Variants in ACTR3C observed in about 807,000 individuals in gnomAD.
ACTR3C encodes the protein actin-related protein 3C.
ACTR3C carries 18 observed loss-of-function variants against 26.3 expected under a neutral mutation model. The ratio of observed to expected loss-of-function variants is 0.68; its 90% confidence interval spans 0.47 to 1.01. The LOEUF (loss-of-function observed/expected upper bound fraction) is 1.01. Ranked by LOEUF, ACTR3C falls within the 50% of genes least tolerant of loss-of-function variation. ACTR3C has a pLI of 0.00. For synonymous variants in ACTR3C, 55 were observed against 94.5 expected (o/e 0.58, Z 2.42); for missense variants, 184 against 250.7 (o/e 0.73, Z 1.80).
At chr7:149,903,888 T>C in the ACTR3C span, among the ~76,000 whole-genome samples, 1,000 of 40,320 alleles carry the variant, frequency 0.025, 53 homozygotes, top group East Asian at 0.12. Flanking sequence ...GTTGTTGTTG[T>C]TGTTTGTTGT....
At chr7:149,984,687 A>G in the ACTR3C span, among the ~76,000 whole-genome samples, 10 of 152,034 alleles carry the variant, frequency 6.6e-5, no homozygotes, top group African/African-American at 1.9e-4. Context: ...GTTTCACCAT[A>G]ACAGGTGATA....
chr7:150,139,674 A>C, the ACTR3C span, among the ~76,000 whole-genome samples: 1 of 152,304 alleles, frequency 6.6e-6, no homozygotes, highest in African/African-American at 2.4e-5. Context: ...CATGTATGGA[A>C]GCTCAAAGCC....
the ACTR3C span, among the ~76,000 whole-genome samples, chr7:149,979,484 G>C: frequency 6.6e-6 from 1 of 152,060 alleles, no homozygotes; most frequent in Non-Finnish European, 1.5e-5. Context: ...GAACAAGACA[G>C]GACTGCAGTA....
the ACTR3C span, among the ~76,000 whole-genome samples, chr7:149,948,279 A>G: frequency 0.95 from 89,693 of 94,326 alleles, 42,974 homozygotes; most frequent in Non-Finnish European, 0.99. Context: ...TGAGCATCAC[A>G]GGTGACAGAC....
chr7:150,032,424 C>T, the ACTR3C span, among the ~76,000 whole-genome samples: 3 of 152,302 alleles, frequency 2.0e-5, no homozygotes, highest in South Asian at 2.1e-4. Context: ...AACGTGCTTG[C>T]GGTGCAGGCC....
the ACTR3C span, among the ~76,000 whole-genome samples, chr7:150,042,681 C>T: frequency 1.3e-5 from 2 of 152,034 alleles, no homozygotes; most frequent in African/African-American, 4.8e-5. Context: ...TCAGGTTTTG[C>T]CCAAGAATCA....
At chr7:150,139,715 T>C in the ACTR3C span, among the ~76,000 whole-genome samples, 1 of 152,170 alleles carries the variant, frequency 6.6e-6, no homozygotes, top group African/African-American at 2.4e-5. Flanking sequence ...CTCATTAACA[T>C]ACCTGCCATG....
downstream of ACTR3C, among the ~76,000 whole-genome samples, chr7:150,242,956 T>C (rs141853318): frequency 0.075 from 11,347 of 152,266 alleles, 605 homozygotes; most frequent in East Asian, 0.13. Flanking sequence ...TATGTTCTTA[T>C]CCTCTTTCTG....
chr7:150,003,595 T>C, the ACTR3C span, among the ~76,000 whole-genome samples: 1 of 152,216 alleles, frequency 6.6e-6, no homozygotes, highest in African/African-American at 2.4e-5. Flanking sequence ...GTATGTAGTG[T>C]GTGGTATGTT....
chr7:150,162,597 GAGCCAATGGGTCC>G, the ACTR3C span, among the ~76,000 whole-genome samples: 1 of 152,156 alleles, frequency 6.6e-6, no homozygotes, highest in African/African-American at 2.4e-5. Flanking sequence ...TTACAGGCAT[GAGCCAATGGGTCC>G]AGCCGTAAGT....
the ACTR3C span, among the ~76,000 whole-genome samples, chr7:149,923,212 T>TAC: frequency 8.3e-6 from 1 of 120,106 alleles, no homozygotes; most frequent in Non-Finnish European, 1.9e-5. Flanking sequence ...TATGTTTAAA[T>TAC]ACATATATAT....
the ACTR3C span, among the ~76,000 whole-genome samples, chr7:149,907,023 A>C: frequency 1.4e-4 from 1 of 6,978 alleles, no homozygotes; most frequent in South Asian, 2.5e-3. Flanking sequence ...CAAACCAGAC[A>C]TAAGCAGAGC....
the ACTR3C span, among the ~76,000 whole-genome samples, chr7:150,138,339 G>A: frequency 2.0e-5 from 3 of 152,330 alleles, no homozygotes; most frequent in Admixed American, 2.0e-4. Context: ...GAACGAAGGA[G>A]GAAGTGAGCT....
chr7:150,023,204 T>G, the ACTR3C span, among the ~76,000 whole-genome samples: 4 of 144,772 alleles, frequency 2.8e-5, no homozygotes, highest in East Asian at 4.1e-4. Context: ...TATCTATATA[T>G]ATCTCTATAT....
At chr7:150,113,617 G>A in the ACTR3C span, among the ~76,000 whole-genome samples, 2 of 152,182 alleles carry the variant, frequency 1.3e-5, no homozygotes, top group Non-Finnish European at 2.9e-5. Flanking sequence ...TCTCCTCATT[G>A]AGAGTTCTTC....
At chr7:150,250,202 C>CA (rs1832735900) in intron 6 of ACTR3C, among the ~76,000 whole-genome samples, 2 of 125,514 alleles carry the variant, frequency 1.6e-5, no homozygotes. Flanking sequence ...CAGAATCTGA[C>CA]TTTTTTTTTT....
the ACTR3C span, among the ~76,000 whole-genome samples, chr7:149,913,962 T>G: frequency 6.7e-6 from 1 of 150,008 alleles, no homozygotes; most frequent in African/African-American, 2.5e-5. Flanking sequence ...CACGGCTCAC[T>G]GCAGCCTCAA....
At chr7:150,223,921 G>A in the ACTR3C span, among the ~76,000 whole-genome samples, 1 of 152,266 alleles carries the variant, frequency 6.6e-6, no homozygotes, top group South Asian at 2.1e-4. Context: ...AAGTTAACTC[G>A]TGTGTCTCTT....
chr7:150,070,401 T>G, the ACTR3C span, among the ~76,000 whole-genome samples: 16 of 152,194 alleles, frequency 1.1e-4, no homozygotes, highest in African/African-American at 3.6e-4. Context: ...GTATAACATT[T>G]CAGAAAAACA....
Sources: allele counts gnomAD v4.1 joint callset (sites outside exome capture counted in the v4.1 genomes callset), GRCh38; gene constraint gnomAD v4.1.1; transcripts MANE v1.5; gene names NCBI Gene and HGNC (gene_info 2026-07-23, HGNC 2026-07-21).